LSAMP: variants seen among roughly 807,000 people sequenced by gnomAD.
LSAMP encodes limbic system-associated membrane protein.
LSAMP carries 7 observed loss-of-function variants against 38.6 expected under a neutral mutation model. The ratio of observed to expected loss-of-function variants is 0.18; its 90% CI spans 0.10 to 0.34. The LOEUF is 0.34. Ranked by LOEUF, LSAMP falls within the 10% of genes least tolerant of loss-of-function variation. LSAMP has a pLI of 1.00. For missense variants in LSAMP, 313 were observed against 420.0 expected (o/e 0.75, Z 2.23); for synonymous variants, 154 against 166.8 (o/e 0.92, Z 0.59).
At chr3:116,354,531 A>G (rs1177528302) in intron 1 of LSAMP, among the ~76,000 whole-genome samples, 1 of 152,188 alleles carries the variant, frequency 6.6e-6, no homozygotes, top group East Asian at 1.9e-4. Context: ...AAGCTTAAAT[A>G]TTTCCTCATA....
intron 6 of LSAMP, 101 bp from the exon 7 acceptor site, chr3:115,810,515 G>T: frequency 1.3e-6 from 1 of 780,046 alleles, no homozygotes; most frequent in Non-Finnish European, 2.2e-6. Flanking sequence ...ACCTGGCCAG[G>T]TACTAGCATC....
rs143494443 is a variant in LSAMP, at chr3:115,918,663, C to T, written c.515-66046G>A. On this transcript the variant is annotated intron_variant, in intron 3 of 6. Coordinates refer to ENST00000490035, the MANE Select transcript of LSAMP (RefSeq NM_002338.5). The stretch of plus-strand genomic sequence containing the variant: ...GCTGCTTTGCTCAGAGTAAATCCCT[C>T]GATAGCTTCATTTTTAGATTAGGGA... Among the ~76,000 whole-genome samples the T allele has an allele frequency of 3.4e-3, 504 of 150,294 alleles. 2 individuals are homozygous for T. Among genetic ancestry groups the T allele is most frequent in the African/African-American group, 0.012 (474 of 40,882 alleles).
chr3:116,052,914 T>C (rs190206220), intron 2 of LSAMP, among the ~76,000 whole-genome samples: 61 of 152,332 alleles, frequency 4.0e-4, no homozygotes, highest in African/African-American at 1.3e-3. Context: ...TTTCATTAAA[T>C]GGTGCATAGT....
At chr3:115,994,183 G>A (rs1939750868) in intron 3 of LSAMP, among the ~76,000 whole-genome samples, 1 of 152,006 alleles carries the variant, frequency 6.6e-6, no homozygotes, top group Non-Finnish European at 1.5e-5. Context: ...CAACTCTCCT[G>A]CTCTTATTGT....
chr3:115,916,537 G>T (rs1330570357), intron 3 of LSAMP, among the ~76,000 whole-genome samples: 1 of 152,264 alleles, frequency 6.6e-6, no homozygotes, highest in East Asian at 1.9e-4. Context: ...TCTCCATGGT[G>T]TTTTGTGGTA....
chr3:116,187,551 A>ACCCAGCAAACCCAGTGCATTTTT (rs1170291319), intron 1 of LSAMP, among the ~76,000 whole-genome samples: 1 of 152,112 alleles, frequency 6.6e-6, no homozygotes, highest in East Asian at 1.9e-4. Flanking sequence ...TTTTCAAAGC[A>ACCCAGCAAACCCAGTGCATTTTT]TCAAGAACCC....
chr3:116,053,357 G>A lies in LSAMP; in HGVS notation c.388+32967C>T, dbSNP rs76992511. 3.4e-3 allele frequency among the ~76,000 whole-genome samples: 515 copies of A among 152,260 alleles called. 3 individuals carry two copies. The highest frequency in any genetic ancestry group is 0.012 in the African/African-American group (500 of 41,540). On this transcript the variant is annotated intron_variant, in intron 2 of 6. Transcript: ENST00000490035. ...TCCTCATCCTTCTTTCCTGCCCTCA[G>A]TGTTCTTACAATCCAGGAAGTGAGA...
chr3:116,364,170 G>T (rs1266571032), intron 1 of LSAMP, among the ~76,000 whole-genome samples: 1 of 57,704 alleles, frequency 1.7e-5, no homozygotes, highest in Non-Finnish European at 2.9e-5. Context: ...AAAGTCTCAG[G>T]ATACAAAATC....
At chr3:115,882,132 T>A (rs1559865377) in intron 3 of LSAMP, among the ~76,000 whole-genome samples, 1 of 152,066 alleles carries the variant, frequency 6.6e-6, no homozygotes, top group Non-Finnish European at 1.5e-5. Context: ...CCTAAGGCAA[T>A]ATTCTTTTTT....
chr3:115,919,472 G>GT (rs1199135252), intron 3 of LSAMP, among the ~76,000 whole-genome samples: 1 of 152,184 alleles, frequency 6.6e-6, no homozygotes, highest in African/African-American at 2.4e-5. Context: ...TAGAGGTCAG[G>GT]TTTGGGTTGA....
At chr3:116,103,464 CAAAAA>C (rs59732794) in intron 1 of LSAMP, among the ~76,000 whole-genome samples, 68 of 42,820 alleles carry the variant, frequency 1.6e-3, no homozygotes, top group South Asian at 9.8e-3. Flanking sequence ...GACTCCTTCT[CAAAAA>C]AAAAAAAAAA....
chr3:116,359,357 T>TA (rs895749687), intron 1 of LSAMP, among the ~76,000 whole-genome samples: 9 of 152,096 alleles, frequency 5.9e-5, no homozygotes, highest in African/African-American at 2.2e-4. Context: ...ATGATGATGA[T>TA]AAAAAAATGC....
chr3:116,167,326 T>G (rs1710084189), intron 1 of LSAMP, among the ~76,000 whole-genome samples: 1 of 152,166 alleles, frequency 6.6e-6, no homozygotes, highest in South Asian at 2.1e-4. Flanking sequence ...GCTCACAATT[T>G]ATGTAGTTGT....
At chr3:116,178,906 G>GCTC (rs1710417706) in intron 1 of LSAMP, among the ~76,000 whole-genome samples, 1 of 151,804 alleles carries the variant, frequency 6.6e-6, no homozygotes, top group South Asian at 2.1e-4. Context: ...CCTCTTTCCT[G>GCTC]CTCCTGTAGC....
At chr3:116,124,218 C>T (rs1182625361) in intron 1 of LSAMP, among the ~76,000 whole-genome samples, 1 of 152,048 alleles carries the variant, frequency 6.6e-6, no homozygotes, top group Non-Finnish European at 1.5e-5. Flanking sequence ...TGTGGATGGC[C>T]CACAAATGTT....
chr3:116,390,014 T>A (rs2048671998), intron 1 of LSAMP, among the ~76,000 whole-genome samples: 1 of 152,134 alleles, frequency 6.6e-6, no homozygotes, highest in Admixed American at 6.5e-5. Flanking sequence ...CAGTTGTGAA[T>A]GCTACAGATA....
chr3:115,844,618 T>C (rs1935097974), intron 4 of LSAMP, among the ~76,000 whole-genome samples: 1 of 152,190 alleles, frequency 6.6e-6, no homozygotes, highest in Admixed American at 6.5e-5. Flanking sequence ...CTGTTCCTCA[T>C]TGTCCTTCCT....
intron 1 of LSAMP, among the ~76,000 whole-genome samples, chr3:116,164,204 C>T (rs936803481): frequency 1.3e-5 from 2 of 152,032 alleles, no homozygotes; most frequent in African/African-American, 4.8e-5. Context: ...ATTCAAAATG[C>T]AGTTAGAAAG....
At chr3:115,940,779 T>A (rs1163602495) in intron 3 of LSAMP, among the ~76,000 whole-genome samples, 1 of 152,232 alleles carries the variant, frequency 6.6e-6, no homozygotes, top group African/African-American at 2.4e-5. Context: ...TCTGCTTTCA[T>A]GCCAGTATTA....
Sources: allele counts gnomAD v4.1 joint callset (sites outside exome capture counted in the v4.1 genomes callset), GRCh38; gene constraint gnomAD v4.1.1; transcripts MANE v1.5; gene names NCBI Gene and HGNC (gene_info 2026-07-23, HGNC 2026-07-21).